The following ROBO2 variants were observed in gnomAD, a reference collection of about 807,000 sequenced individuals.
ROBO2 encodes roundabout guidance receptor 2.
In ROBO2, 53 loss-of-function variants were observed where a neutral mutation model predicts 160.8. The ratio of observed to expected loss-of-function variants is 0.33; its 90% confidence interval spans 0.26 to 0.41. The LOEUF (loss-of-function observed/expected upper bound fraction) is 0.41, where lower values mean the gene tolerates loss of function less well. ROBO2 is among the 10% of genes least tolerant of loss of function. The pLI is 1.00. For synonymous variants in ROBO2, 664 were observed against 611.7 expected (o/e 1.09, Z -1.26); for missense variants, 1,577 against 1,722.4 (o/e 0.92, Z 1.49).
chr3:77,069,152 T>A (rs1224696779), intron 1 of ROBO2, among the ~76,000 whole-genome samples: 1 of 152,130 alleles, frequency 6.6e-6, no homozygotes, highest in Non-Finnish European at 1.5e-5. Flanking sequence ...ATCTCTAATT[T>A]AAACTATAAG....
At chr3:76,502,476 G>T (rs1452963142) in intron 2 of ROBO2, among the ~76,000 whole-genome samples, 1 of 152,188 alleles carries the variant, frequency 6.6e-6, no homozygotes, top group South Asian at 2.1e-4. Context: ...AATATAGCAA[G>T]TGCTCCACTG....
rs542280937 is a variant in ROBO2 at position 77,090,323 on chromosome 3, C to CTTTTTT, written c.62-7648_62-7643dup. Among the ~76,000 whole-genome samples, 18 of 70,750 alleles carry CTTTTTT rather than the reference C, an allele frequency of 2.5e-4. 1 individual carries two copies. The highest frequency in any genetic ancestry group is 3.4e-4 in the East Asian group (1 of 2,924). The allele number at this position is 70,750 out of a possible 152,430, so 46.4% of individuals were successfully genotyped here. ...ATTTCTTTTAATCTTCTAAACCACT[C>CTTTTTT]TTTTTTTTTTTTTTTTTTTTTTTTT... On this transcript the variant is annotated intron_variant, in intron 1 of 25. Transcript: ENST00000461745.
At chr3:77,468,837 G>T (rs1041766932) in intron 2 of ROBO2, among the ~76,000 whole-genome samples, 1 of 152,210 alleles carries the variant, frequency 6.6e-6, no homozygotes, top group African/African-American at 2.4e-5. Flanking sequence ...GGAGGTGGGG[G>T]TGAGAGCTTC....
chr3:75,911,342 G>A (rs1946572625), intron 1 of ROBO2, among the ~76,000 whole-genome samples: 1 of 152,112 alleles, frequency 6.6e-6, no homozygotes, highest in South Asian at 2.1e-4. Context: ...AAAACAAATG[G>A]TATAGCTTCT....
At chr3:76,852,247 A>T (rs1313974306) in intron 2 of ROBO2, among the ~76,000 whole-genome samples, 1 of 152,192 alleles carries the variant, frequency 6.6e-6, no homozygotes, top group Non-Finnish European at 1.5e-5. Flanking sequence ...CTTGTTACAG[A>T]TTATTCTTCT....
intron 2 of ROBO2, among the ~76,000 whole-genome samples, chr3:77,160,668 A>G (rs963694757): frequency 9.2e-5 from 14 of 152,286 alleles, no homozygotes; most frequent in African/African-American, 3.4e-4. Flanking sequence ...CACACCATGC[A>G]GTTTAGATGT....
chr3:77,306,499 T>C (rs1274878740), intron 2 of ROBO2, among the ~76,000 whole-genome samples: 1 of 152,184 alleles, frequency 6.6e-6, no homozygotes, highest in African/African-American at 2.4e-5. Flanking sequence ...GTTTCTTCTA[T>C]AGTAAAATCT....
chr3:77,635,123 A>G (rs2095241978), intron 24 of ROBO2, 80 bp downstream of exon 25: 1 of 1,485,408 alleles, frequency 6.7e-7, no homozygotes, highest in South Asian at 1.2e-5. Context: ...TAATGTAGTC[A>G]TGGTAGATTA....
chr3:77,580,757 C>T (rs2093897101), intron 16 of ROBO2, among the ~76,000 whole-genome samples: 1 of 152,044 alleles, frequency 6.6e-6, no homozygotes, highest in Non-Finnish European at 1.5e-5. Context: ...TACTGCTGAG[C>T]AGTATTCAAT....
chr3:76,771,286 A>G (rs957313522), intron 2 of ROBO2, among the ~76,000 whole-genome samples: 1 of 151,270 alleles, frequency 6.6e-6, no homozygotes, highest in African/African-American at 2.4e-5. Flanking sequence ...TATTCTGACT[A>G]TATTGGGGTT....
chr3:76,496,213 A>G (rs1244623417), intron 2 of ROBO2, among the ~76,000 whole-genome samples: 1 of 142,090 alleles, frequency 7.0e-6, no homozygotes, highest in African/African-American at 3.1e-5. Flanking sequence ...CACGTGACAA[A>G]TATCACTCTT....
intron 2 of ROBO2, among the ~76,000 whole-genome samples, chr3:76,292,966 T>G (rs903901565): frequency 3.6e-5 from 5 of 140,702 alleles, no homozygotes; most frequent in Admixed American, 6.9e-5. Context: ...TACTAGGGTT[T>G]TTTTTTTTTT....
intron 2 of ROBO2, among the ~76,000 whole-genome samples, chr3:76,633,682 C>G (rs1366205248): frequency 6.6e-6 from 1 of 152,186 alleles, no homozygotes; most frequent in Admixed American, 6.5e-5. Context: ...ATAGTCTACG[C>G]CAGGCATGTC....
chr3:77,323,380 G>A (rs919910176), intron 2 of ROBO2, among the ~76,000 whole-genome samples: 8 of 151,918 alleles, frequency 5.3e-5, no homozygotes, highest in Non-Finnish European at 8.8e-5. Flanking sequence ...TCAAGACCCT[G>A]ATATCAGGTA....
chr3:76,321,734 AGAAGCAG>A (rs1335054482), intron 2 of ROBO2, among the ~76,000 whole-genome samples: 2 of 152,112 alleles, frequency 1.3e-5, no homozygotes, highest in African/African-American at 4.8e-5. Flanking sequence ...TATAGCTGTA[AGAAGCAG>A]GAAGATGAAT....
chr3:76,832,728 G>A (rs1022665336), intron 2 of ROBO2, among the ~76,000 whole-genome samples: 3 of 152,112 alleles, frequency 2.0e-5, no homozygotes, highest in Non-Finnish European at 4.4e-5. Flanking sequence ...GGGAGGTCTG[G>A]GAGCTGGAGA....
chr3:76,646,674 A>G (rs1233284839), intron 2 of ROBO2, among the ~76,000 whole-genome samples: 1 of 152,218 alleles, frequency 6.6e-6, no homozygotes, highest in Non-Finnish European at 1.5e-5. Context: ...AGACACAGCA[A>G]TAAGAGTTAA....
At chr3:76,677,712 A>G (rs1331000699) in intron 2 of ROBO2, among the ~76,000 whole-genome samples, 1 of 152,132 alleles carries the variant, frequency 6.6e-6, no homozygotes, top group Non-Finnish European at 1.5e-5. Context: ...TATACTAAGA[A>G]AGAAAAAAAG....
chr3:76,479,478 A>T (rs1044540233), intron 2 of ROBO2, among the ~76,000 whole-genome samples: 8 of 152,116 alleles, frequency 5.3e-5, no homozygotes, highest in Admixed American at 3.3e-4. Context: ...ATTCTGCAAA[A>T]TTTTACCATA....
Sources: allele counts gnomAD v4.1 joint callset (sites outside exome capture counted in the v4.1 genomes callset), GRCh38; gene constraint gnomAD v4.1.1; transcripts MANE v1.5; gene names NCBI Gene and HGNC (gene_info 2026-07-23, HGNC 2026-07-21).